TAFA1: variants seen among roughly 807,000 people sequenced by gnomAD.
The protein encoded by TAFA1 is TAFA chemokine like family member 1, also known as chemokine-like protein TAFA-1.
Under a neutral mutation model 18.5 loss-of-function variants are expected in TAFA1, and 4 were observed. That is an observed-to-expected ratio of 0.22 (90% CI 0.11 to 0.49). The LOEUF is 0.49. TAFA1 is among the 20% of genes least tolerant of loss of function. The pLI is 0.98. For synonymous variants in TAFA1, 56 were observed against 55.2 expected, an observed-to-expected ratio of 1.01 and a Z score of -0.06; for missense variants, 147 against 169.0, an observed-to-expected ratio of 0.87 and a Z score of 0.72.
chr3:68,415,369 A>G (rs1053757693), intron 2 of TAFA1, among the ~76,000 whole-genome samples: 37 of 152,268 alleles, frequency 2.4e-4, no homozygotes, highest in African/African-American at 8.9e-4. Context: ...AACTAAACAC[A>G]GGAAATGTGT....
Position 68,414,971 on chromosome 3 carries a change from C to T in TAFA1, c.119-2309C>T, listed in dbSNP as rs556884641. Among the ~76,000 whole-genome samples, 10 of 152,170 alleles carry T rather than the reference C, an allele frequency of 6.6e-5. No individual in the cohort carries two copies. In the South Asian group the frequency reaches 1.0e-3, roughly 16 times the overall value. On this transcript the variant is annotated intron_variant, in intron 2 of 4. Transcript: ENST00000478136. ...GTCGAACTAGCTGTTACTGACTTGA[C>T]GGAGGGTATTTGTAGCTGACAATTA...
chr3:68,365,649 T>C (rs1027227951), intron 2 of TAFA1, among the ~76,000 whole-genome samples: 2 of 152,112 alleles, frequency 1.3e-5, no homozygotes, highest in African/African-American at 4.8e-5. Context: ...GACTGGGTAA[T>C]TGATAAAGAA....
intron 3 of TAFA1, among the ~76,000 whole-genome samples, chr3:68,474,460 C>A (rs1307800946): frequency 6.6e-6 from 1 of 152,166 alleles, no homozygotes; most frequent in Non-Finnish European, 1.5e-5. Context: ...CAAGCCAGAG[C>A]TATTCAGCTG....
intron 2 of TAFA1, among the ~76,000 whole-genome samples, chr3:68,083,399 T>A (rs1164638108): frequency 6.6e-6 from 1 of 152,266 alleles, no homozygotes; most frequent in African/African-American, 2.4e-5. Flanking sequence ...AGTAAAATAA[T>A]ACATTAAAAG....
At chr3:68,544,097 C>T (rs1478022013) in intron 4 of TAFA1, among the ~76,000 whole-genome samples, 1 of 151,812 alleles carries the variant, frequency 6.6e-6, no homozygotes, top group Admixed American at 6.6e-5. Context: ...AGTGCAGGGC[C>T]CTTGTTTAAA....
chr3:68,106,012 AT>A (rs973501258), intron 2 of TAFA1, among the ~76,000 whole-genome samples: 9 of 152,096 alleles, frequency 5.9e-5, no homozygotes, highest in Admixed American at 5.9e-4. Flanking sequence ...AATATCTAAT[AT>A]TTTATTCCCA....
intron 2 of TAFA1, among the ~76,000 whole-genome samples, chr3:68,033,602 C>T (rs1234822528): frequency 2.6e-5 from 4 of 152,014 alleles, no homozygotes; most frequent in African/African-American, 4.8e-5. Flanking sequence ...TGAGATATGA[C>T]AAATATCAGT....
intron 2 of TAFA1, among the ~76,000 whole-genome samples, chr3:68,258,036 A>G (rs1437209160): frequency 6.6e-6 from 1 of 152,186 alleles, no homozygotes. Context: ...GATTAGGAGG[A>G]GGCTAAGGAG....
At chr3:68,257,096 T>A (rs923145903) in intron 2 of TAFA1, among the ~76,000 whole-genome samples, 1 of 152,080 alleles carries the variant, frequency 6.6e-6, no homozygotes, top group Non-Finnish European at 1.5e-5. Flanking sequence ...TCTCTGGCCC[T>A]TGACTATATG....
At chr3:68,448,150 G>A (rs917198125) in intron 3 of TAFA1, among the ~76,000 whole-genome samples, 3 of 152,180 alleles carry the variant, frequency 2.0e-5, no homozygotes, top group Non-Finnish European at 4.4e-5. Context: ...AGGACAAAAT[G>A]AGGAGGAGTT....
intron 2 of TAFA1, among the ~76,000 whole-genome samples, chr3:68,079,576 T>C (rs1444426108): frequency 1.3e-5 from 2 of 152,184 alleles, no homozygotes; most frequent in African/African-American, 4.8e-5. Flanking sequence ...ATGTACCTAG[T>C]AGTCATTCAG....
At chr3:68,312,180 C>A (rs1400218441) in intron 2 of TAFA1, among the ~76,000 whole-genome samples, 2 of 152,176 alleles carry the variant, frequency 1.3e-5, no homozygotes, top group Non-Finnish European at 2.9e-5. Flanking sequence ...GCCCAGCCCA[C>A]CAGAACCACT....
chr3:68,006,358 C>G (rs768117759), intron 1 of TAFA1: 91 of 411,578 alleles, frequency 2.2e-4, no homozygotes, highest in Admixed American at 4.1e-4. Flanking sequence ...AACCGACTAA[C>G]TGATAGCCTA....
intron 3 of TAFA1, among the ~76,000 whole-genome samples, chr3:68,499,559 A>C (rs2072620962): frequency 6.6e-6 from 1 of 151,208 alleles, no homozygotes; most frequent in Admixed American, 6.6e-5. Context: ...AAGCTAAAAT[A>C]CACTTTATTT....
intron 2 of TAFA1, among the ~76,000 whole-genome samples, chr3:68,201,835 G>A (rs539455825): frequency 8.6e-5 from 13 of 151,816 alleles, no homozygotes; most frequent in African/African-American, 2.7e-4. Context: ...TTTGGGTGAG[G>A]GCTTTCTGTG....
intron 2 of TAFA1, among the ~76,000 whole-genome samples, chr3:68,370,924 A>T (rs1028126838): frequency 1.3e-5 from 2 of 151,920 alleles, no homozygotes; most frequent in African/African-American, 4.8e-5. Context: ...ATCTTCTAGA[A>T]CATTGCTTCG....
intron 2 of TAFA1, among the ~76,000 whole-genome samples, chr3:68,332,686 T>A (rs1345151176): frequency 2.6e-5 from 4 of 152,176 alleles, no homozygotes; most frequent in African/African-American, 9.7e-5. Context: ...ACATCACTCA[T>A]CATGGATATA....
At chr3:68,277,061 T>A (rs1458681935) in intron 2 of TAFA1, among the ~76,000 whole-genome samples, 1 of 152,146 alleles carries the variant, frequency 6.6e-6, no homozygotes, top group African/African-American at 2.4e-5. Context: ...TGAAATTATG[T>A]GCCAGGCACT....
intron 2 of TAFA1, among the ~76,000 whole-genome samples, chr3:68,277,812 T>C (rs1417992686): frequency 6.6e-6 from 1 of 152,128 alleles, no homozygotes; most frequent in African/African-American, 2.4e-5. Context: ...CCATCCCCAT[T>C]AAAAGGGGAT....
Sources: gnomAD v4.1 joint callset for allele counts (sites outside exome capture counted in the v4.1 genomes callset) on GRCh38, gnomAD v4.1.1 for gene constraint, MANE v1.5 for transcripts, NCBI Gene and HGNC (gene_info 2026-07-23, HGNC 2026-07-21) for gene names.